Variants in LAMA5 observed in about 807,000 individuals in gnomAD.
The protein encoded by LAMA5 is laminin subunit alpha-5.
In LAMA5, 260 loss-of-function variants were observed where a neutral mutation model predicts 433.4. That is an observed-to-expected ratio of 0.60 (90% CI 0.54 to 0.66). The LOEUF (loss-of-function observed/expected upper bound fraction) is 0.66. LAMA5 is among the 30% of genes least tolerant of loss of function. The pLI is 0.00. For synonymous variants in LAMA5, 2,620 were observed against 2,226.6 expected, an observed-to-expected ratio of 1.18 and a Z score of -4.97; for missense variants, 5,378 against 5,258.5, an observed-to-expected ratio of 1.02 and a Z score of -0.70.
chr20:62,343,486 G>C (rs4925382), intron 11 of LAMA5, among the ~76,000 whole-genome samples: 81,151 of 152,022 alleles, frequency 0.53, 26,212 homozygotes, highest in East Asian at 0.75. Flanking sequence ...TAAGAAATAG[G>C]TGATACAGGC....
rs749725070 is a variant in LAMA5 at position 62,325,536 on chromosome 20, C to A, written c.5309G>T (p.Arg1770Leu). ...GQLQLVEGNF[R>L]HTETRNTVSR... is the part of the protein sequence containing the mutation. ...CACAGTGTTGCGCGTCTCCGTATGCCGGAAGTTCCCCTGTGGGTCCAGGAT... is the reference window on the plus strand; with the variant it reads ...CACAGTGTTGCGCGTCTCCGTATGCAGGAAGTTCCCCTGTGGGTCCAGGAT... Residue 1770 changes from arginine (R) to leucine (L), a missense_variant, in exon 41 of 80, where the codon CGG (arginine) becomes CTG (leucine). By Grantham distance (102) the Arg-to-Leu change is moderately radical (BLOSUM62 -2). Transcript: ENST00000252999. 2 of 1,606,332 alleles carry A rather than the reference C, an allele frequency of 1.2e-6. No homozygotes were observed. The highest frequency in any genetic ancestry group is 1.7e-6 in the Non-Finnish European group (2 of 1,175,846).
rs147586069 is a variant in LAMA5, at chr20:62,312,000, G to A, written c.9555C>T (p.Leu3185=). ...CTTGAGTTTTCACTTCAGTCCTCAG[G>A]AGCTGTAGGCTCACACGGCCCTGCT... ...SLQQGRVSLQ[L]LRTEVKTQAG... Residue 3185 remains leucine, a synonymous_variant, in exon 70 of 80, where the codon CTC becomes CTT. Coordinates refer to ENST00000252999, the MANE Select transcript of LAMA5 (RefSeq NM_005560.6). 134 of 1,612,594 alleles carry A rather than the reference G, an allele frequency of 8.3e-5. 1 individual carries two copies. Among genetic ancestry groups the A allele is most frequent in the Non-Finnish European group, 1.0e-4 (121 of 1,179,930 alleles).
At chr20:62,361,577 T>C (rs886611684) in intron 2 of LAMA5, among the ~76,000 whole-genome samples, 4 of 152,222 alleles carry the variant, frequency 2.6e-5, no homozygotes, top group Admixed American at 6.5e-5. Flanking sequence ...TGTCACACAC[T>C]GGGACTGGGG....
chr20:62,311,816 T>TTGGCGCCC, intron 70 of LAMA5, 32 bp from the exon 71 acceptor site: 2 of 1,521,012 alleles, frequency 1.3e-6, no homozygotes, highest in Non-Finnish European at 1.8e-6. Flanking sequence ...GCTCGGTTTT[T>TTGGCGCCC]CCCCACCCTG....
Position 62,333,918 on chromosome 20 carries a change from G to A in LAMA5, c.2861C>T (p.Ser954Leu), listed in dbSNP as rs774073266. 26 of 1,604,258 alleles carry A rather than the reference G, an allele frequency of 1.6e-5. No individual in the cohort carries two copies. The highest frequency in any genetic ancestry group is 1.2e-4 in the Admixed American group (7 of 59,592). Residue 954 changes from serine to leucine, a missense_variant, in exon 23 of 80, where the codon TCG (serine) becomes TTG (leucine). Ser to Leu is a moderately radical substitution (Grantham distance 145). Coordinates refer to ENST00000252999, the MANE Select transcript of LAMA5 (RefSeq NM_005560.6). ...GRVSVREEGR[S>L]ATCANCTAQS... ...CCACTCACAGTTGGCGCAGGTGGCC[G>A]ACCTGCCCTCCTCTCGCACAGAGAC...
rs200956593 is a variant in LAMA5, at chr20:62,322,110, C to T, written c.6405G>A (p.Pro2135=). 3.9e-5 allele frequency: 62 copies of T among 1,602,454 alleles called. 1 individual carries two copies. The East Asian group carries it at 7.2e-4, about 19-fold the overall frequency. ...TGTCGCAGCGCTCCCCGCTGAGCCCCGGGGGGCAGTTGCAGCGGCCCGTGT... is the reference window on the plus strand; with the variant it reads ...TGTCGCAGCGCTCCCCGCTGAGCCCTGGGGGGCAGTTGCAGCGGCCCGTGT... ...DPHTGRCNCP[P]GLSGERCDTC... The change falls in exon 48 of 80, where the codon CCG becomes CCA. Residue 2135 remains proline (P), a synonymous_variant. Coordinates refer to ENST00000252999, the MANE Select transcript of LAMA5 (RefSeq NM_005560.6).
chr20:62,364,485 A>G (rs761034776), intron 1 of LAMA5, among the ~76,000 whole-genome samples: 2 of 152,226 alleles, frequency 1.3e-5, no homozygotes, highest in Non-Finnish European at 2.9e-5. Context: ...ATTGGGAGGC[A>G]GTTCCAGTCC....
In LAMA5 at chr20:62,346,542, G is replaced by A. The variant is rs150458765; in HGVS notation, c.1246C>T (p.Pro416Ser). ...ERCLPGFYRS[P>S]NHPLDSPHVC... ...TGGGGCGAGTCGAGAGGGTGGTTGG[G>A]AGAGCGGTAGAAGCCGGGCAGGCAG... The change falls in exon 9 of 80, where the codon CCC becomes TCC. Residue 416 changes from proline (P) to serine (S), a missense_variant. Coordinates refer to ENST00000252999, the MANE Select transcript of LAMA5 (RefSeq NM_005560.6). 7 of 1,556,672 alleles carry A rather than the reference G, an allele frequency of 4.5e-6. No homozygotes were observed. The highest frequency in any genetic ancestry group is 1.7e-4 in the Middle Eastern group (1 of 5,992).
Position 62,310,089 on chromosome 20 carries a change from G to A in LAMA5, c.10735-8C>T, listed in dbSNP as rs577933384. The A allele has an allele frequency of 1.2e-5, 19 of 1,610,968 alleles. No homozygotes were observed. The highest frequency in any genetic ancestry group is 7.7e-5 in the South Asian group (7 of 91,044). ...ATCCGCCCGCAGCAGGACCTGGCGG[G>A]GTAGGAAGGGAGGGTCAGGCTATGC... On this transcript the variant is annotated splice_polypyrimidine_tract_variant and splice_region_variant and intron_variant, in intron 77 of 79. Coordinates refer to ENST00000252999, the MANE Select transcript of LAMA5 (RefSeq NM_005560.6).
At chr20:62,343,187 G>A (rs6062229) in intron 11 of LAMA5, among the ~76,000 whole-genome samples, 28 of 152,246 alleles carry the variant, frequency 1.8e-4, no homozygotes, top group African/African-American at 6.5e-4. Flanking sequence ...GGGACCACAC[G>A]GCCCTCAGTC....
At position 62,312,321 on chromosome 20, in the gene LAMA5, G is replaced by A. The variant is rs201686328; in HGVS notation, c.9361-5C>T. On this transcript the variant is annotated splice_polypyrimidine_tract_variant and splice_region_variant and intron_variant, in intron 68 of 79. Transcript: ENST00000252999. ...GAAAGTCATGGCGCGCCCCACCTGC[G>A]GGGAGGCCATCCCTGAGTGCCCGCG... is the stretch of plus-strand genomic sequence containing the variant. 1.0e-3 allele frequency: 1,657 copies of A among 1,608,128 alleles called. 11 individuals carry two copies. Among genetic ancestry groups the A allele is most frequent in the East Asian group, 9.0e-3 (405 of 44,778 alleles).
At position 62,359,884 on chromosome 20, in the gene LAMA5, C is replaced by T. The variant is rs974912861; in HGVS notation, c.450+2516G>A. On this transcript the variant is annotated intron_variant, in intron 2 of 79. Transcript: ENST00000252999. This position sits in a 1 kb window ranked among gnomAD's most constrained non-coding sequence, Gnocchi z 4.3. ...CCGAACCGTGATGCAGCCCACCCCGCCCTCCTCAGCCTTCCAGGAGCAGGA... is the reference window on the plus strand; with the variant it reads ...CCGAACCGTGATGCAGCCCACCCCGTCCTCCTCAGCCTTCCAGGAGCAGGA... 3.9e-5 allele frequency among the ~76,000 whole-genome samples: 6 copies of T among 152,062 alleles called. No homozygotes were observed. The highest frequency in any genetic ancestry group is 1.3e-4 in the Admixed American group (2 of 15,276).
At chr20:62,362,643 G>C in intron 1 of LAMA5, 91 bp from the exon 2 acceptor site, 3 of 1,202,864 alleles carry the variant, frequency 2.5e-6, no homozygotes, top group Non-Finnish European at 3.3e-6. Flanking sequence ...GACAAGTCCT[G>C]GTCCCACTGA....
Position 62,318,898 on chromosome 20 carries a change from C to T in LAMA5, c.6987G>A (p.Arg2329=), listed in dbSNP as rs1987346393. 1 of 1,606,430 alleles carries T rather than the reference C, an allele frequency of 6.2e-7. No individual in the cohort carries two copies. Among genetic ancestry groups the T allele is most frequent in the Non-Finnish European group, 8.5e-7 (1 of 1,178,366 alleles). Residue 2329 remains arginine, a synonymous_variant, in exon 52 of 80, where the codon CGG becomes CGA. Coordinates refer to ENST00000252999, the MANE Select transcript of LAMA5 (RefSeq NM_005560.6). ...CTGCTGCCTGCGGGGCCCCCAGGTC[C>T]CGGGCCCGCATCTCCCAGAGCAGCC... is the stretch of plus-strand genomic sequence containing the variant. ...VERLLWEMRA[R]DLGAPQAAAE...
chr20:62,337,962 G>A (rs763150978), intron 14 of LAMA5, 24 bp from the exon 15 acceptor site: 2 of 1,598,686 alleles, frequency 1.3e-6, no homozygotes, highest in South Asian at 1.1e-5. Flanking sequence ...ATGGGGTCAG[G>A]CCCTGGCGCC....
intron 53 of LAMA5, 31 bp downstream of exon 53, chr20:62,318,423 G>A (rs1215226160): frequency 1.9e-6 from 3 of 1,568,020 alleles, no homozygotes; most frequent in Non-Finnish European, 2.6e-6. Flanking sequence ...GGGAAGAGGA[G>A]CAGGAGGAAG....
chr20:62,312,762 C>A lies in LAMA5; in HGVS notation c.9097G>T (p.Gly3033Trp). 2 of 1,589,918 alleles carry A rather than the reference C, an allele frequency of 1.3e-6. No homozygotes were observed. The highest frequency in any genetic ancestry group is 2.3e-5 in the South Asian group (2 of 88,550). ...ACCAGCACACGCTTGCGGCTGCCCC[C>A]CAGCAGGAACACCTGGATCTACAGG... ...ASKAIQVFLL[G>W]GSRKRVLVRV... The change falls in exon 67 of 80, where the codon GGG (glycine) becomes TGG (tryptophan). Residue 3033 changes from glycine (G) to tryptophan (W), a missense_variant. By Grantham distance (184) the Gly-to-Trp change is radical (BLOSUM62 -2). Coordinates refer to ENST00000252999, the MANE Select transcript of LAMA5 (RefSeq NM_005560.6).
At position 62,334,410 on chromosome 20, in the gene LAMA5, G is replaced by A. The variant is rs2379127; in HGVS notation, c.2583-68C>T. ...ACCTAGCCCTGCACAGCGGCCCCGGGTCTCCAGGGAGGGTGAGGCCTCACG... is the reference window on the plus strand; with the variant it reads ...ACCTAGCCCTGCACAGCGGCCCCGGATCTCCAGGGAGGGTGAGGCCTCACG... On this transcript the variant is annotated intron_variant, in intron 21 of 79. Transcript: ENST00000252999. The A allele has an allele frequency of 0.89, 1,349,472 of 1,519,954 alleles. 609,563 individuals are homozygous for A. Among genetic ancestry groups the A allele is most frequent in the East Asian group, 0.95 (38,534 of 40,502 alleles). 94.2% of individuals were successfully genotyped at this position (1,519,954 alleles called of 1,614,324 possible).
rs532642292 is a variant in LAMA5 at position 62,314,820 on chromosome 20, C to T, written c.8175G>A (p.Gln2725=). ...SIGRVRELIA[Q]ARGAASKVKV... is the part of the protein sequence containing the mutation. ...CCACCTTACTGGCAGCCCCCCGGGC[C>T]TGGGCAATGAGCTCTCGCACGCGGC... The change falls in exon 60 of 80, where the codon CAG becomes CAA. Residue 2725 remains glutamine (Q), a synonymous_variant. Coordinates refer to ENST00000252999, the MANE Select transcript of LAMA5 (RefSeq NM_005560.6). 1 of 1,612,890 alleles carries T rather than the reference C, an allele frequency of 6.2e-7. No homozygotes were observed. Among genetic ancestry groups the T allele is most frequent in the African/African-American group, 1.3e-5 (1 of 75,032 alleles).
Sources: allele counts gnomAD v4.1 joint callset (sites outside exome capture counted in the v4.1 genomes callset), GRCh38; gene constraint gnomAD v4.1.1; non-coding constraint Gnocchi (gnomAD v3.1); transcripts MANE v1.5; gene names NCBI Gene and HGNC (gene_info 2026-07-23, HGNC 2026-07-21).